Variants in SLC25A26 observed in about 807,000 individuals in gnomAD.
The protein encoded by SLC25A26 is mitochondrial S-adenosylmethionine carrier protein.
A neutral mutation model predicts 37.8 loss-of-function variants in SLC25A26; 36 were observed. The observed-to-expected ratio is 0.95, with a 90% CI of 0.73 to 1.26. The LOEUF is 1.26. Ranked by LOEUF, SLC25A26 falls within the 50% of genes most tolerant of loss-of-function variation. The pLI, the probability that SLC25A26 is intolerant of heterozygous loss-of-function variation, is 0.00. For missense variants in SLC25A26, 390 were observed against 331.1 expected (o/e 1.18, Z -1.38); for synonymous variants, 129 against 122.5 (o/e 1.05, Z -0.35).
At chr3:66,244,862 A>G (rs1334227600) in intron 3 of SLC25A26, among the ~76,000 whole-genome samples, 1 of 152,024 alleles carries the variant, frequency 6.6e-6, no homozygotes, top group Non-Finnish European at 1.5e-5. Context: ...CTGTAGTCCC[A>G]GCTACTTGGG....
chr3:66,336,715 G>A (rs2076099649), intron 5 of SLC25A26, among the ~76,000 whole-genome samples: 1 of 152,108 alleles, frequency 6.6e-6, no homozygotes, highest in Non-Finnish European at 1.5e-5. Flanking sequence ...AAGTTTTCAG[G>A]TTTCATGAAC....
intron 1 of SLC25A26, among the ~76,000 whole-genome samples, chr3:66,157,857 G>A (rs900766448): frequency 6.6e-6 from 1 of 152,218 alleles, no homozygotes; most frequent in Non-Finnish European, 1.5e-5. Flanking sequence ...GGTGCAACAT[G>A]TCTGATGTCT....
At chr3:66,144,470 T>C (rs1306288712) in intron 1 of SLC25A26, among the ~76,000 whole-genome samples, 2 of 152,184 alleles carry the variant, frequency 1.3e-5, no homozygotes, top group African/African-American at 4.8e-5. Flanking sequence ...GGCCTAGATT[T>C]TGCCCACTGG....
At chr3:66,239,847 G>A (rs1447968919) in intron 2 of SLC25A26, among the ~76,000 whole-genome samples, 2 of 132,100 alleles carry the variant, frequency 1.5e-5, no homozygotes, top group Non-Finnish European at 3.1e-5. Context: ...TTTTAACAGT[G>A]GATTAAGCTG....
intron 5 of SLC25A26, among the ~76,000 whole-genome samples, chr3:66,344,537 C>T (rs1318776715): frequency 6.6e-6 from 1 of 152,008 alleles, no homozygotes; most frequent in Non-Finnish European, 1.5e-5. Flanking sequence ...GAAACTGGGA[C>T]ATTTACACCC....
chr3:66,262,183 T>C, intron 4 of SLC25A26, 28 bp downstream of exon 4: 1 of 1,219,932 alleles, frequency 8.2e-7, no homozygotes, highest in Non-Finnish European at 1.2e-6. Flanking sequence ...AGCTCTTCTT[T>C]TCTTTATTAA....
chr3:66,307,772 C>T (rs1165273090), intron 5 of SLC25A26, among the ~76,000 whole-genome samples: 1 of 152,148 alleles, frequency 6.6e-6, no homozygotes, highest in African/African-American at 2.4e-5. Flanking sequence ...TTCCCCACTG[C>T]TTGTTTTTGT....
intron 5 of SLC25A26, among the ~76,000 whole-genome samples, chr3:66,276,773 C>T (rs2107407622): frequency 6.6e-6 from 1 of 151,508 alleles, no homozygotes; most frequent in South Asian, 2.1e-4. Flanking sequence ...AGTGGAGAAG[C>T]AGAAATTTTT....
intron 3 of SLC25A26, among the ~76,000 whole-genome samples, chr3:66,250,785 A>G (rs562140106): frequency 3.3e-5 from 5 of 152,210 alleles, no homozygotes; most frequent in African/African-American, 1.2e-4. Context: ...ATTCAGAAAA[A>G]GCCTCACAGA....
At chr3:66,221,581 C>T (rs2071498918) in intron 1 of SLC25A26, among the ~76,000 whole-genome samples, 1 of 151,886 alleles carries the variant, frequency 6.6e-6, no homozygotes, top group Admixed American at 6.6e-5. Context: ...ATGACATGTC[C>T]TTCTGTTCAT....
chr3:66,316,404 G>A (rs575753153), intron 5 of SLC25A26, among the ~76,000 whole-genome samples: 2 of 152,140 alleles, frequency 1.3e-5, no homozygotes, highest in African/African-American at 2.4e-5. Context: ...GAAATTCTAG[G>A]TTGGAAATTC....
At chr3:66,358,046 A>G (rs986980582) in intron 6 of SLC25A26, among the ~76,000 whole-genome samples, 1 of 152,194 alleles carries the variant, frequency 6.6e-6, no homozygotes. Context: ...AATATTGTCA[A>G]TAGTAATAAT....
chr3:66,360,978 A>T (rs1420746901), intron 6 of SLC25A26, among the ~76,000 whole-genome samples: 1 of 152,244 alleles, frequency 6.6e-6, no homozygotes, highest in East Asian at 1.9e-4. Context: ...GAAGACAAAT[A>T]CTACCTGGTT....
In SLC25A26 at chr3:66,139,534, G is replaced by T. The variant is rs141574151; in HGVS notation, c.-354+5550G>T. On this transcript the variant is annotated intron_variant, in intron 1 of 10. Transcript: ENST00000676754. ...ATCTGAAGCAGCACACATTTCTTTC[G>T]CGGTCATTAGAGCTCCTAGCCTACA... Among the ~76,000 whole-genome samples the T allele has an allele frequency of 5.3e-5, 8 of 152,170 alleles. No homozygotes were observed. In the East Asian group the frequency reaches 1.5e-3, roughly 29 times the overall value.
intron 3 of SLC25A26, among the ~76,000 whole-genome samples, chr3:66,259,113 G>C (rs2073420850): frequency 6.6e-6 from 1 of 152,096 alleles, no homozygotes; most frequent in South Asian, 2.1e-4. Flanking sequence ...GACTCCCTTT[G>C]TTTTTCCTAA....
chr3:66,333,838 A>AG (rs2076032621), intron 5 of SLC25A26, among the ~76,000 whole-genome samples: 3 of 113,834 alleles, frequency 2.6e-5, no homozygotes, highest in East Asian at 4.3e-4. Flanking sequence ...TAGAAAAACA[A>AG]AAAACAAACA....
At chr3:66,245,669 A>G (rs973124438) in intron 3 of SLC25A26, among the ~76,000 whole-genome samples, 2 of 152,220 alleles carry the variant, frequency 1.3e-5, no homozygotes, top group Non-Finnish European at 2.9e-5. Context: ...TTTCTTTAGG[A>G]AGTTTGAACA....
At chr3:66,207,443 A>G (rs896647444) in intron 1 of SLC25A26, among the ~76,000 whole-genome samples, 240 of 152,318 alleles carry the variant, frequency 1.6e-3, no homozygotes, top group African/African-American at 5.3e-3. Flanking sequence ...TTAATTTCCA[A>G]TGAGACAGTA....
intron 5 of SLC25A26, among the ~76,000 whole-genome samples, chr3:66,298,787 A>G (rs535855260): frequency 3.3e-5 from 5 of 152,350 alleles, no homozygotes; most frequent in Admixed American, 3.3e-4. Flanking sequence ...GTACATGTCA[A>G]GAAAGCATTA....
Sources: gnomAD v4.1 joint callset for allele counts (sites outside exome capture counted in the v4.1 genomes callset) on GRCh38, gnomAD v4.1.1 for gene constraint, MANE v1.5 for transcripts, NCBI Gene and HGNC (gene_info 2026-07-23, HGNC 2026-07-21) for gene names.